Variants in DDX50 observed in about 807,000 individuals in gnomAD.
DDX50 encodes ATP-dependent RNA helicase DDX50.
In DDX50, 56 loss-of-function variants were observed where a neutral mutation model predicts 94.8. The observed-to-expected ratio is 0.59, with a 90% confidence interval of 0.48 to 0.74. The LOEUF is 0.74. Ranked by LOEUF, DDX50 falls within the 30% of genes least tolerant of loss-of-function variation. DDX50 has a pLI of 0.00. For missense variants in DDX50, 713 were observed against 881.2 expected (o/e 0.81, Z 2.42); for synonymous variants, 264 against 295.4 (o/e 0.89, Z 1.09).
chr10:68,907,873 G>A (rs551843547), intron 2 of DDX50, among the ~76,000 whole-genome samples: 146 of 152,114 alleles, frequency 9.6e-4, no homozygotes, highest in African/African-American at 3.2e-3. Flanking sequence ...GGTAAAATCT[G>A]TATTATAATA....
chr10:68,907,198 C>G (rs1841479706), intron 2 of DDX50, among the ~76,000 whole-genome samples, 191 bp downstream of exon 2: 1 of 152,150 alleles, frequency 6.6e-6, no homozygotes, highest in South Asian at 2.1e-4. Flanking sequence ...CACTGTATGG[C>G]CTTTTTCTTG....
Position 68,906,889 on chromosome 10 carries a change from A to G in DDX50, c.266A>G (p.His89Arg), listed in dbSNP as rs1055092972. The change falls in exon 2 of 15, where the codon CAT (histidine) becomes CGT (arginine). Residue 89 changes from histidine (H) to arginine (R), a missense_variant. Around this residue, in one of 2 missense-constraint regions of DDX50, gnomAD observed 285 missense variants for 278.9 expected, o/e 1.02. Transcript: ENST00000373585. ...CTTTCAGATGAATTCTCCAAATCTC[A>G]TAAGTCAAGAAGAAAAGATCTACCA... ...NRLSDEFSKS[H>R]KSRRKDLPNG... is the part of the protein sequence containing the mutation. 14 of 1,611,076 alleles carry G rather than the reference A, an allele frequency of 8.7e-6. No homozygotes were observed. The highest frequency in any genetic ancestry group is 1.6e-4 in the Middle Eastern group (1 of 6,078).
intron 11 of DDX50, 88 bp from the exon 12 acceptor site, chr10:68,936,848 A>G: frequency 7.1e-7 from 1 of 1,402,686 alleles, no homozygotes; most frequent in African/African-American, 1.4e-5. Flanking sequence ...CTCAAAAAAA[A>G]AAAATTACTC....
At chr10:68,913,969 A>C in intron 6 of DDX50, 90 bp from the exon 7 acceptor site, 3 of 1,250,294 alleles carry the variant, frequency 2.4e-6, no homozygotes, top group Non-Finnish European at 3.2e-6. Flanking sequence ...TACATTTTTC[A>C]TTATTTTTTT....
At chr10:68,918,175 C>T (rs964345296) in intron 7 of DDX50, among the ~76,000 whole-genome samples, 8 of 152,154 alleles carry the variant, frequency 5.3e-5, no homozygotes, top group Admixed American at 2.0e-4. Context: ...CCACCCGTCT[C>T]GGCCTCCCAA....
chr10:68,932,077 G>T (rs562089570), intron 8 of DDX50, among the ~76,000 whole-genome samples: 1 of 152,156 alleles, frequency 6.6e-6, no homozygotes, highest in Non-Finnish European at 1.5e-5. Context: ...CTATACCTGT[G>T]ATAGCACACA....
chr10:68,909,992 A>G (rs370171680), intron 2 of DDX50, among the ~76,000 whole-genome samples: 5 of 152,242 alleles, frequency 3.3e-5, no homozygotes, highest in Admixed American at 6.5e-5. Flanking sequence ...GGAGTTTAAG[A>G]TCTGCCTGGA....
At position 68,946,806 on chromosome 10, in the gene DDX50, A is replaced by G; in HGVS notation, c.*176A>G. The G allele has an allele frequency of 1.3e-6, 1 of 747,130 alleles. No homozygotes were observed. The allele number at this position is 747,130 out of a possible 1,614,324, so 46.3% of individuals were successfully genotyped here. A position where few individuals can be genotyped will look rare whatever the true frequency, so the allele number is the denominator to read the frequency against. ...ATGGAACAAATCTACTTATCCAGTT[A>G]TACCTTTGAATAAAAAAACCTCCTT... On this transcript the variant is annotated 3_prime_UTR_variant, in exon 15 of 15. Transcript: ENST00000373585.
At chr10:68,923,139 T>TTG (rs1480564074) in intron 8 of DDX50, among the ~76,000 whole-genome samples, 2 of 146,482 alleles carry the variant, frequency 1.4e-5, no homozygotes, top group African/African-American at 5.0e-5. Flanking sequence ...AAAATTCTGT[T>TTG]TGTGTGTGTG....
Position 68,937,125 on chromosome 10 carries a change from G to A in DDX50, c.1755+30G>A, listed in dbSNP as rs372976098. 1.1e-4 allele frequency: 175 copies of A among 1,560,254 alleles called. 1 individual carries two copies. The highest frequency in any genetic ancestry group is 1.4e-4 in the Non-Finnish European group (159 of 1,146,064). On this transcript the variant is annotated intron_variant, in intron 12 of 14. Transcript: ENST00000373585. ...AAATCTGTGAGAAAATTGTACATGA[G>A]TGGGAAAAGGTTAAAATTGAACATA... is the stretch of plus-strand genomic sequence containing the variant.
In DDX50 at chr10:68,936,995, T is replaced by C. The variant is rs776105029; in HGVS notation, c.1655T>C (p.Leu552Pro). 3 of 1,612,192 alleles carry C rather than the reference T, an allele frequency of 1.9e-6. No homozygotes were observed. The highest frequency in any genetic ancestry group is 2.5e-6 in the Non-Finnish European group (3 of 1,179,856). The change falls in exon 12 of 15, where the codon CTG becomes CCG. Residue 552 changes from leucine (L) to proline (P), a missense_variant. This residue lies in a region of DDX50 where 428 missense variants were observed against 602.3 expected (regional missense o/e 0.71). Transcript: ENST00000373585. ...VDFFRPSAQR[L>P]IEEKGAVDAL... ...TTTTTCCGACCATCAGCTCAGAGAC[T>C]GATAGAAGAGAAAGGTGCAGTGGAT... is the stretch of plus-strand genomic sequence containing the variant.
chr10:68,945,417 C>A lies in DDX50; in HGVS notation c.1936-935C>A, dbSNP rs191183986. ...TGCCTCCCAGGTTCAAGCAATTCTC[C>A]TGCGTCAGCTTCCCGAGTAACTGGG... On this transcript the variant is annotated intron_variant, in intron 14 of 14. Coordinates refer to ENST00000373585, the MANE Select transcript of DDX50 (RefSeq NM_024045.2). Among the ~76,000 whole-genome samples the A allele has an allele frequency of 1.1e-4, 16 of 152,198 alleles. No individual in the cohort carries two copies. The East Asian group carries it at 3.1e-3, about 29-fold the overall frequency.
Position 68,925,094 on chromosome 10 carries a change from G to GTTTTTTTTTTTTTTTTTTTTTTTTTTTTT in DDX50, c.1239+5113_1239+5114insTTTTTTTTTTTTTTTTTTTTTTTTTTTTT, listed in dbSNP as rs752888119. On this transcript the variant is annotated intron_variant, in intron 8 of 14. Coordinates refer to ENST00000373585, the MANE Select transcript of DDX50 (RefSeq NM_024045.2). ...ACAAGAATTATCCTTCCCTGCTCATGGTTTTTTTTTTTTTTTTTTTTTTTT... is the reference window on the plus strand; with the variant it reads ...ACAAGAATTATCCTTCCCTGCTCATGTTTTTTTTTTTTTTTTTTTTTTTTTTTTTGTTTTTTTTTTTTTTTTTTTTTTTT... 2.2e-5 allele frequency among the ~76,000 whole-genome samples: 2 copies of GTTTTTTTTTTTTTTTTTTTTTTTTTTTTT among 89,036 alleles called. 1 individual carries two copies. The highest frequency in any genetic ancestry group is 4.3e-5 in the Non-Finnish European group (2 of 46,070). The allele number at this position is 89,036 out of a possible 152,430, so 58.4% of individuals were successfully genotyped here. A position where few individuals can be genotyped will look rare whatever the true frequency, so the allele number is the denominator to read the frequency against.
chr10:68,902,380 G>A (rs1191063250), intron 1 of DDX50, among the ~76,000 whole-genome samples: 1 of 152,130 alleles, frequency 6.6e-6, no homozygotes, highest in Non-Finnish European at 1.5e-5. Context: ...GACTTATTTT[G>A]TATAGCCTTA....
At chr10:68,933,861 G>C (rs1236754496) in intron 8 of DDX50, among the ~76,000 whole-genome samples, 3 of 151,804 alleles carry the variant, frequency 2.0e-5, no homozygotes, top group Admixed American at 6.6e-5. Context: ...CTTGAACCTG[G>C]GAGGTAGAGG....
chr10:68,934,389 A>G lies in DDX50; in HGVS notation c.1401+29A>G, dbSNP rs952206280. The G allele has an allele frequency of 3.7e-6, 6 of 1,608,566 alleles. No homozygotes were observed. Among genetic ancestry groups the G allele is most frequent in the Non-Finnish European group, 5.1e-6 (6 of 1,178,756 alleles). On this transcript the variant is annotated intron_variant, in intron 9 of 14. Coordinates refer to ENST00000373585, the MANE Select transcript of DDX50 (RefSeq NM_024045.2). The surrounding 1 kb of genome is among the most constrained non-coding windows in gnomAD (Gnocchi z 4.0). ...GGAAATGGGATTTGATTTGGGAAAAATAAGAGCAATTTTATAAATTCCCAT... is the reference window on the plus strand; with the variant it reads ...GGAAATGGGATTTGATTTGGGAAAAGTAAGAGCAATTTTATAAATTCCCAT...
chr10:68,941,285 C>T lies in DDX50; in HGVS notation c.1890+91C>T, dbSNP rs1418808360. The T allele has an allele frequency of 2.7e-6, 4 of 1,504,986 alleles. No homozygotes were observed. In the African/African-American group the frequency reaches 4.2e-5, roughly 16 times the overall value. The allele number at this position is 1,504,986 out of a possible 1,614,324, so 93.2% of individuals were successfully genotyped here. On this transcript the variant is annotated intron_variant, in intron 13 of 14. Coordinates refer to ENST00000373585, the MANE Select transcript of DDX50 (RefSeq NM_024045.2). ...AAATTTTGTTCTTTCTCTTTGAAGC[C>T]TAATGGCATGAATAATGCTGTTTTT...
intron 12 of DDX50, among the ~76,000 whole-genome samples, chr10:68,938,320 C>G (rs1199302671): frequency 1.3e-5 from 2 of 152,206 alleles, no homozygotes; most frequent in Non-Finnish European, 2.9e-5. Context: ...CTGAACTGGC[C>G]TGCTGCCAGA....
rs1296608456 is a variant in DDX50, at chr10:68,911,164, G to T, written c.557G>T (p.Gly186Val). The change falls in exon 4 of 15, where the codon GGA (glycine) becomes GTA (valine). Residue 186 changes from glycine (G) to valine (V), a missense_variant. By Grantham distance (109) the Gly-to-Val change is moderately radical (BLOSUM62 -3). Transcript: ENST00000373585. ...ATAGCTCAAGCACGGACAGGAACAG[G>T]AAAGACATTCTCTTTTGCCATCCCC... ...DLIAQARTGT[G>V]KTFSFAIPLI... is the part of the protein sequence containing the mutation. 6.2e-7 allele frequency: 1 copy of T among 1,612,634 alleles called. No individual in the cohort carries two copies. The highest frequency in any genetic ancestry group is 1.7e-5 in the Admixed American group (1 of 59,888).
Sources: allele counts gnomAD v4.1 joint callset (sites outside exome capture counted in the v4.1 genomes callset), GRCh38; gene constraint gnomAD v4.1.1; regional missense constraint gnomAD v4.1.1; non-coding constraint Gnocchi (gnomAD v3.1); transcripts MANE v1.5; gene names NCBI Gene and HGNC (gene_info 2026-07-23, HGNC 2026-07-21).